UBE3C: variants seen among roughly 807,000 people sequenced by gnomAD.
The protein encoded by UBE3C is ubiquitin-protein ligase E3C.
Under a neutral mutation model 129.4 loss-of-function variants are expected in UBE3C, and 42 were observed. The ratio of observed to expected loss-of-function variants is 0.32; its 90% confidence interval spans 0.25 to 0.42. The LOEUF (loss-of-function observed/expected upper bound fraction) is 0.42. Among genes scored for constraint, UBE3C ranks in the 10% least tolerant of loss-of-function variants. UBE3C has a pLI of 1.00. For missense variants in UBE3C, 1,049 were observed against 1,319.1 expected, an observed-to-expected ratio of 0.80 and a Z score of 3.17; for synonymous variants, 510 against 492.4, an observed-to-expected ratio of 1.04 and a Z score of -0.47.
At chr7:157,219,247 C>T (rs772605615) in intron 14 of UBE3C, among the ~76,000 whole-genome samples, 40 of 152,100 alleles carry the variant, frequency 2.6e-4, no homozygotes, top group Non-Finnish European at 4.1e-4. Flanking sequence ...GAAAGTTGTG[C>T]GATGGGAAAA....
intron 1 of UBE3C, among the ~76,000 whole-genome samples, chr7:157,156,300 CTTTTTTTTTTTTT>C (rs1173730075): frequency 1.2e-5 from 1 of 85,872 alleles, no homozygotes; most frequent in South Asian, 3.9e-4. Context: ...ACCCCCAGTT[CTTTTTTTTTTTTT>C]TTTTTTTTTT....
chr7:157,191,789 A>G (rs1441097202), intron 10 of UBE3C, among the ~76,000 whole-genome samples: 3 of 152,344 alleles, frequency 2.0e-5, no homozygotes, highest in East Asian at 3.9e-4. Flanking sequence ...TTGTATGTGT[A>G]GAATTAAATA....
Position 157,208,055 on chromosome 7 carries a change from C to CTTTTTTTTTTTT in UBE3C, c.1809+146_1809+157dup, listed in dbSNP as rs35366316. On this transcript the variant is annotated intron_variant, in intron 13 of 22. Transcript: ENST00000348165. The stretch of plus-strand genomic sequence containing the variant: ...TTCAGACATGTTTTAATTTGCAAGA[C>CTTTTTTTTTTTT]TTTTTTTTTTTTTTTTTTTTTTTTT... The CTTTTTTTTTTTT allele has an allele frequency of 9.8e-5, 9 of 91,930 alleles. 1 individual carries two copies. Among genetic ancestry groups the CTTTTTTTTTTTT allele is most frequent in the Non-Finnish European group, 1.6e-4 (6 of 38,284 alleles). 5.7% of individuals were successfully genotyped at this position (91,930 alleles called of 1,614,324 possible). A position where few individuals can be genotyped will look rare whatever the true frequency, so the allele number is the denominator to read the frequency against.
intron 1 of UBE3C, 124 bp from the exon 2 acceptor site, chr7:157,163,681 TAAGTC>T: frequency 1.1e-6 from 1 of 910,632 alleles, no homozygotes; most frequent in Non-Finnish European, 1.7e-6. Context: ...CTCATCTGAT[TAAGTC>T]AAGACAGCTT....
chr7:157,215,088 T>G (rs1809697473), intron 13 of UBE3C, among the ~76,000 whole-genome samples: 1 of 152,216 alleles, frequency 6.6e-6, no homozygotes, highest in Non-Finnish European at 1.5e-5. Context: ...CACAAGAGAA[T>G]CGCCACTTCT....
chr7:157,157,831 A>C (rs775536037), intron 1 of UBE3C, among the ~76,000 whole-genome samples: 3 of 152,030 alleles, frequency 2.0e-5, no homozygotes, highest in African/African-American at 4.8e-5. Context: ...CAGCACAAAA[A>C]TTAGCCAGGC....
At chr7:157,220,529 C>G (rs1462229904) in intron 14 of UBE3C, 160 bp from the exon 15 acceptor site, 2 of 599,328 alleles carry the variant, frequency 3.3e-6, no homozygotes, top group Non-Finnish European at 2.8e-6. Context: ...TGAGAGAGGA[C>G]CTGAAAAGGT....
At position 157,248,476 on chromosome 7, in the gene UBE3C, C is replaced by A; in HGVS notation, c.2590C>A (p.Pro864Thr). The A allele has an allele frequency of 1.9e-6, 3 of 1,613,538 alleles. No homozygotes were observed. The highest frequency in any genetic ancestry group is 2.5e-6 in the Non-Finnish European group (3 of 1,180,020). Residue 864 changes from proline to threonine, a missense_variant, in exon 19 of 23, where the codon CCT becomes ACT. Around this residue, in one of 4 missense-constraint regions of UBE3C, gnomAD observed 243 missense variants for 368.7 expected, o/e 0.66. Coordinates refer to ENST00000348165, the MANE Select transcript of UBE3C (RefSeq NM_014671.3). ...VDIHHLASLDPEVYKNLLFLK... is the reference protein window; with the variant it reads ...VDIHHLASLDTEVYKNLLFLK... ...CATTCACCACCTCGCCTCCCTAGAC[C>A]CTGAGGTGTATAAGAATTTGCTCTT... is the stretch of plus-strand genomic sequence containing the variant.
intron 11 of UBE3C, among the ~76,000 whole-genome samples, chr7:157,204,013 G>A (rs1453830097): frequency 6.6e-6 from 1 of 152,176 alleles, no homozygotes; most frequent in Non-Finnish European, 1.5e-5. Flanking sequence ...AGTGTTGAAT[G>A]TCCATGTAAT....
At chr7:157,218,888 T>C (rs1795659284) in intron 14 of UBE3C, among the ~76,000 whole-genome samples, 1 of 152,182 alleles carries the variant, frequency 6.6e-6, no homozygotes, top group Admixed American at 6.5e-5. Flanking sequence ...AAACCCTTCG[T>C]CATCATATTT....
chr7:157,221,997 G>A (rs1052043143), intron 15 of UBE3C: 6 of 152,036 alleles, frequency 3.9e-5, no homozygotes, highest in African/African-American at 1.2e-4. Flanking sequence ...AGCTTCCAAA[G>A]TAGTTGTGAC....
chr7:157,238,234 G>GTCAC (rs1796204338), intron 18 of UBE3C, among the ~76,000 whole-genome samples: 2 of 152,138 alleles, frequency 1.3e-5, no homozygotes, highest in African/African-American at 4.8e-5. Context: ...AGTGGTGGAG[G>GTCAC]TCACGCTCTG....
chr7:157,261,937 A>G (rs1273256478), intron 22 of UBE3C, among the ~76,000 whole-genome samples: 1 of 152,226 alleles, frequency 6.6e-6, no homozygotes, highest in Admixed American at 6.5e-5. Flanking sequence ...CTCAGATTTC[A>G]GTGAAGAACT....
Position 157,264,238 on chromosome 7 carries a change from T to TACAC in UBE3C, c.3082-3330_3082-3327dup, listed in dbSNP as rs139566083. ...GGGTGCGCCAACATGCTCGGCCTGT[T>TACAC]ACACACACACACACACACACCTGGT... On this transcript the variant is annotated intron_variant, in intron 22 of 22. Coordinates refer to ENST00000348165, the MANE Select transcript of UBE3C (RefSeq NM_014671.3). 1.5e-3 allele frequency among the ~76,000 whole-genome samples: 189 copies of TACAC among 125,654 alleles called. 2 individuals are homozygous for TACAC. The highest frequency in any genetic ancestry group is 2.1e-3 in the Non-Finnish European group (129 of 61,324). 82.4% of individuals were successfully genotyped at this position (125,654 alleles called of 152,430 possible).
chr7:157,149,798 T>C (rs1368187163), intron 1 of UBE3C, among the ~76,000 whole-genome samples: 2 of 152,220 alleles, frequency 1.3e-5, no homozygotes, highest in Non-Finnish European at 2.9e-5. Context: ...TCTTCTATTA[T>C]AGAATGTAGG....
At chr7:157,148,364 A>G (rs546139464) in intron 1 of UBE3C, among the ~76,000 whole-genome samples, 61 of 152,250 alleles carry the variant, frequency 4.0e-4, no homozygotes, top group African/African-American at 1.3e-3. Context: ...CAGCTTCCCA[A>G]TGTGCTGGGA....
chr7:157,174,946 C>T lies in UBE3C; in HGVS notation c.370C>T (p.His124Tyr). Reference sequence around the variant, plus strand: ...ATGGCTGTATCAGAACTTAATTAAACACAGCTCTCTGTTTGTCAAGCAGTT... The same window carrying T: ...ATGGCTGTATCAGAACTTAATTAAATACAGCTCTCTGTTTGTCAAGCAGTT... Reference protein sequence around the residue: ...LIWLYQNLIKHSSLFVKQLDG... With the variant: ...LIWLYQNLIKYSSLFVKQLDG... Residue 124 changes from histidine to tyrosine, a missense_variant, in exon 5 of 23, where the codon CAC (histidine) becomes TAC (tyrosine). Physicochemically the swap from His to Tyr is moderately conservative, Grantham distance 83 (BLOSUM62 2). Transcript: ENST00000348165. The T allele has an allele frequency of 6.2e-7, 1 of 1,612,284 alleles. No homozygotes were observed. Among genetic ancestry groups the T allele is most frequent in the Non-Finnish European group, 8.5e-7 (1 of 1,179,360 alleles).
At position 157,220,918 on chromosome 7, in the gene UBE3C, A is replaced by G. The variant is rs532333070; in HGVS notation, c.2002+142A>G. On this transcript the variant is annotated intron_variant, in intron 15 of 22. Coordinates refer to ENST00000348165, the MANE Select transcript of UBE3C (RefSeq NM_014671.3). The stretch of plus-strand genomic sequence containing the variant: ...AGGAGCTACCATGTAGAAAAGTTTC[A>G]TCACCCACAAAATTGCCTCTAGCTC... 437 of 972,734 alleles carry G rather than the reference A, an allele frequency of 4.5e-4. 2 individuals are homozygous for G. In the African/African-American group the frequency reaches 6.1e-3, roughly 14 times the overall value. The allele number at this position is 972,734 out of a possible 1,614,324, so 60.3% of individuals were successfully genotyped here. A position where few individuals can be genotyped will look rare whatever the true frequency, so the allele number is the denominator to read the frequency against.
intron 1 of UBE3C, among the ~76,000 whole-genome samples, chr7:157,154,501 A>G (rs927231176): frequency 6.6e-6 from 1 of 152,078 alleles, no homozygotes; most frequent in African/African-American, 2.4e-5. Flanking sequence ...CACCTCAACA[A>G]AATATCTTAG....
Sources: gnomAD v4.1 joint callset for allele counts (sites outside exome capture counted in the v4.1 genomes callset) on GRCh38, gnomAD v4.1.1 for gene constraint, gnomAD v4.1.1 regional missense constraint, MANE v1.5 for transcripts, NCBI Gene and HGNC (gene_info 2026-07-23, HGNC 2026-07-21) for gene names.